Variants in CTNND1 observed in about 807,000 individuals in gnomAD.
CTNND1 encodes the protein catenin delta 1.
Under a neutral mutation model 112.1 loss-of-function variants are expected in CTNND1, and 16 were observed. The observed-to-expected ratio is 0.14, with a 90% CI of 0.10 to 0.22. The LOEUF (loss-of-function observed/expected upper bound fraction) is 0.22, where lower values mean the gene tolerates loss of function less well. Among genes scored for constraint, CTNND1 ranks in the 10% least tolerant of loss-of-function variants. The pLI is 1.00. For synonymous variants in CTNND1, 420 were observed against 446.5 expected, an observed-to-expected ratio of 0.94 and a Z score of 0.75; for missense variants, 1,008 against 1,257.0, an observed-to-expected ratio of 0.80 and a Z score of 3.00.
intron 1 of CTNND1, among the ~76,000 whole-genome samples, chr11:57,787,187 A>T (rs2060229396): frequency 6.6e-6 from 1 of 152,208 alleles, no homozygotes; most frequent in Admixed American, 6.5e-5. Flanking sequence ...AAGGCCTCAA[A>T]TACAGAATCA....
At chr11:57,772,888 T>C (rs186475412) in intron 1 of CTNND1, among the ~76,000 whole-genome samples, 1 of 152,106 alleles carries the variant, frequency 6.6e-6, no homozygotes, top group East Asian at 1.9e-4. Flanking sequence ...TCCTCTCTCT[T>C]TGGAGTTTTT....
rs1262224094 is a variant in CTNND1, at chr11:57,819,190, T to G, written c.*2882T>G. On this transcript the variant is annotated 3_prime_UTR_variant, in exon 21 of 21. Transcript: ENST00000399050. ...ATATAGCTGCTCCTGATGATGGTCCTGTCTTGTTTTATTGAACTAGGACTT... is the reference window on the plus strand; with the variant it reads ...ATATAGCTGCTCCTGATGATGGTCCGGTCTTGTTTTATTGAACTAGGACTT... 6.6e-6 allele frequency: 1 copy of G among 152,260 alleles called. No homozygotes were observed. Among genetic ancestry groups the G allele is most frequent in the Non-Finnish European group, 1.5e-5 (1 of 68,048 alleles). The allele number at this position is 152,260 out of a possible 1,614,324, so 9.4% of individuals were successfully genotyped here. A position where few individuals can be genotyped will look rare whatever the true frequency, so the allele number is the denominator to read the frequency against.
intron 1 of CTNND1, among the ~76,000 whole-genome samples, chr11:57,765,561 G>T (rs1241213151): frequency 6.7e-6 from 1 of 149,952 alleles, no homozygotes; most frequent in Admixed American, 6.7e-5. Flanking sequence ...CAAACTCCTG[G>T]GCTCAAGTGG....
chr11:57,771,729 GTCTT>G (rs763991216), intron 1 of CTNND1, among the ~76,000 whole-genome samples: 6 of 152,232 alleles, frequency 3.9e-5, no homozygotes, highest in Non-Finnish European at 7.4e-5. Flanking sequence ...GAATTTTTGT[GTCTT>G]TCTTGTAACT....
At chr11:57,809,587 T>A in intron 15 of CTNND1, 121 bp downstream of exon 15, 3 of 799,718 alleles carry the variant, frequency 3.8e-6, no homozygotes, top group Non-Finnish European at 5.9e-6. Context: ...GAAGAGCTAT[T>A]GCTCTATTAT....
intron 1 of CTNND1, among the ~76,000 whole-genome samples, chr11:57,775,332 GAAAA>G (rs374576333): frequency 8.8e-6 from 1 of 113,660 alleles, no homozygotes. Flanking sequence ...ACCCCGTCTC[GAAAA>G]AAAAAAAAAA....
intron 1 of CTNND1, among the ~76,000 whole-genome samples, chr11:57,782,155 T>C (rs1445575395): frequency 6.6e-6 from 1 of 152,128 alleles, no homozygotes; most frequent in Non-Finnish European, 1.5e-5. Flanking sequence ...CCAGCTCAAA[T>C]TCCTTTTAAC....
chr11:57,812,134 A>T (rs1004846768), intron 17 of CTNND1, among the ~76,000 whole-genome samples: 1 of 152,224 alleles, frequency 6.6e-6, no homozygotes, highest in Non-Finnish European at 1.5e-5. Flanking sequence ...AGCACAAACC[A>T]GGGCAGTGAC....
At chr11:57,806,180 TGTG>T in intron 10 of CTNND1, 145 bp downstream of exon 10, 1 of 1,167,054 alleles carries the variant, frequency 8.6e-7, no homozygotes, top group African/African-American at 1.6e-5. Flanking sequence ...TTCCCTGTGT[TGTG>T]TGCTTCATTC....
Position 57,801,929 on chromosome 11 carries a change from A to C in CTNND1, c.1153A>C (p.Asn385His). ...ATTCCGCTTGGATGCTGTCAAGTCC[A>C]ATGCAGCTGCATACCTGCAACACTT... ...LGFRLDAVKS[N>H]AAAYLQHLCY... Residue 385 changes from asparagine (N) to histidine (H), a missense_variant, in exon 7 of 21, where the codon AAT (asparagine) becomes CAT (histidine). Asn to His is a moderately conservative substitution (Grantham distance 68, BLOSUM62 1). Around this residue, in one of 5 missense-constraint regions of CTNND1, gnomAD observed 216 missense variants for 342.8 expected, o/e 0.63. Transcript: ENST00000399050. 3 of 1,614,042 alleles carry C rather than the reference A, an allele frequency of 1.9e-6. No individual in the cohort carries two copies. The South Asian group carries it at 3.3e-5, about 18-fold the overall frequency.
intron 1 of CTNND1, among the ~76,000 whole-genome samples, chr11:57,774,632 TG>T (rs1188556931): frequency 6.6e-6 from 1 of 152,192 alleles, no homozygotes; most frequent in African/African-American, 2.4e-5. Context: ...AGAAAGTCAG[TG>T]GGTTGTTAGG....
intron 1 of CTNND1, among the ~76,000 whole-genome samples, chr11:57,775,904 C>G (rs1234572833): frequency 6.6e-6 from 1 of 152,170 alleles, no homozygotes; most frequent in Non-Finnish European, 1.5e-5. Context: ...TGAGTTTAGT[C>G]TGGGAAGCCT....
At chr11:57,784,801 C>T (rs750100263) in intron 1 of CTNND1, among the ~76,000 whole-genome samples, 10 of 152,078 alleles carry the variant, frequency 6.6e-5, no homozygotes, top group African/African-American at 1.9e-4. Context: ...CCGTGGTGCC[C>T]GGCCATGACA....
intron 4 of CTNND1, among the ~76,000 whole-genome samples, chr11:57,794,920 A>C (rs556393031): frequency 6.7e-6 from 1 of 150,338 alleles, no homozygotes; most frequent in East Asian, 1.9e-4. Flanking sequence ...TATTTTGGCC[A>C]GGCGTGGTTT....
intron 6 of CTNND1, among the ~76,000 whole-genome samples, chr11:57,798,613 G>T (rs1256623746): frequency 6.6e-6 from 1 of 152,144 alleles, no homozygotes; most frequent in Non-Finnish European, 1.5e-5. Flanking sequence ...TCACTAAGCA[G>T]CTGCCTACTC....
At chr11:57,815,100 A>T (rs2137678895) in intron 18 of CTNND1, among the ~76,000 whole-genome samples, 1 of 152,066 alleles carries the variant, frequency 6.6e-6, no homozygotes, top group Middle Eastern at 3.4e-3. Context: ...GCTTATTCTT[A>T]TATTTTTAGT....
In CTNND1 at chr11:57,808,491, T is replaced by C. The variant is rs2062968332; in HGVS notation, c.2193T>C (p.Ser731=). The change falls in exon 14 of 21, where the codon TCT becomes TCC. Residue 731 remains serine (S), a synonymous_variant. Transcript: ENST00000399050. ...ATGAACGGGTGGTGAAAGCTGCATCTGGAGCACTGAGAAACCTGGCTGTGG... is the reference window on the plus strand; with the variant it reads ...ATGAACGGGTGGTGAAAGCTGCATCCGGAGCACTGAGAAACCTGGCTGTGG... ...NEHERVVKAA[S]GALRNLAVDA... 4 of 1,611,750 alleles carry C rather than the reference T, an allele frequency of 2.5e-6. No individual in the cohort carries two copies. Among genetic ancestry groups the C allele is most frequent in the Non-Finnish European group, 3.4e-6 (4 of 1,179,198 alleles).
intron 6 of CTNND1, 37 bp downstream of exon 6, chr11:57,797,029 A>G: frequency 7.1e-7 from 1 of 1,412,758 alleles, no homozygotes; most frequent in Non-Finnish European, 9.3e-7. Flanking sequence ...GGGTCTTTCC[A>G]AGACCAGGGA....
intron 1 of CTNND1, among the ~76,000 whole-genome samples, chr11:57,781,300 T>TA (rs2059554221): frequency 6.6e-6 from 1 of 152,294 alleles, no homozygotes; most frequent in East Asian, 1.9e-4. Context: ...TAGTAAACTC[T>TA]AAGGTTAAGC....
Sources: gnomAD v4.1 joint callset for allele counts (sites outside exome capture counted in the v4.1 genomes callset) on GRCh38, gnomAD v4.1.1 for gene constraint, gnomAD v4.1.1 regional missense constraint, MANE v1.5 for transcripts, NCBI Gene and HGNC (gene_info 2026-07-23, HGNC 2026-07-21) for gene names.